Variants in GRB7 observed in about 807,000 individuals in gnomAD.
GRB7 encodes growth factor receptor-bound protein 7.
GRB7 carries 47 observed loss-of-function variants against 64.1 expected under a neutral mutation model. That is an observed-to-expected ratio of 0.73 (90% CI 0.58 to 0.94). The LOEUF (loss-of-function observed/expected upper bound fraction) is 0.94. Ranked by LOEUF, GRB7 falls within the 40% of genes least tolerant of loss-of-function variation. The probability of loss-of-function intolerance (pLI) is 0.00; values close to 1 mark genes in which losing one functional copy is unlikely to be tolerated. For synonymous variants in GRB7, 277 were observed against 279.9 expected (o/e 0.99, Z 0.10); for missense variants, 634 against 718.4 (o/e 0.88, Z 1.34).
intron 6 of GRB7, 189 bp downstream of exon 6, chr17:39,743,659 A>G (rs2060017056): frequency 1.5e-5 from 9 of 616,650 alleles, no homozygotes; most frequent in South Asian, 1.4e-4. Flanking sequence ...CGAGAAATGC[A>G]TGTGGAGCAT....
Position 39,744,406 on chromosome 17 carries a change from A to C in GRB7, c.802-147A>C, listed in dbSNP as rs938700694. ...CAGGAGAAAAGATGATCTTAGTTTA[A>C]GTCCTGGCTCTACTTCTATTTGCTG... is the stretch of plus-strand genomic sequence containing the variant. On this transcript the variant is annotated intron_variant, in intron 7 of 14. Coordinates refer to ENST00000309156, the MANE Select transcript of GRB7 (RefSeq NM_005310.5). 3 of 843,218 alleles carry C rather than the reference A, an allele frequency of 3.6e-6. No individual in the cohort carries two copies. The African/African-American group carries it at 5.1e-5, about 14-fold the overall frequency. The allele number at this position is 843,218 out of a possible 1,614,324, so 52.2% of individuals were successfully genotyped here.
rs200349742 is a variant in GRB7, at chr17:39,744,182, A to G, written c.776A>G (p.Tyr259Cys). ...TGCTTCTTGCGCCGATCTGGCCTCT[A>G]TTACTCCACCAAGGGCACCTCTAAG... ...FFCFLRRSGL[Y>C]YSTKGTSKDP... The change falls in exon 7 of 15, where the codon TAT becomes TGT. Residue 259 changes from tyrosine (Y) to cysteine (C), a missense_variant. By Grantham distance (194) the Tyr-to-Cys change is radical. Around this residue, in one of 2 missense-constraint regions of GRB7, gnomAD observed 467 missense variants for 576.6 expected, o/e 0.81. Coordinates refer to ENST00000309156, the MANE Select transcript of GRB7 (RefSeq NM_005310.5). 2 of 1,613,942 alleles carry G rather than the reference A, an allele frequency of 1.2e-6. No homozygotes were observed. Among genetic ancestry groups the G allele is most frequent in the Non-Finnish European group, 1.7e-6 (2 of 1,179,992 alleles).
chr17:39,744,870 T>C lies in GRB7; in HGVS notation c.913-16T>C, dbSNP rs2060029773. ...TAAAGGCAGATATGGGACCAGTCAATTTCCTCTCTCTGCAGCCCAACAAGC... is the reference window on the plus strand; with the variant it reads ...TAAAGGCAGATATGGGACCAGTCAACTTCCTCTCTCTGCAGCCCAACAAGC... On this transcript the variant is annotated splice_polypyrimidine_tract_variant and intron_variant, in intron 8 of 14. Transcript: ENST00000309156. The C allele has an allele frequency of 6.2e-7, 1 of 1,606,836 alleles. No homozygotes were observed. The highest frequency in any genetic ancestry group is 8.5e-7 in the Non-Finnish European group (1 of 1,173,436).
At chr17:39,742,744 G>T in intron 3 of GRB7, 28 bp downstream of exon 3, 2 of 1,536,112 alleles carry the variant, frequency 1.3e-6, no homozygotes, top group Non-Finnish European at 1.8e-6. Flanking sequence ...AGGGAAGGGA[G>T]GGATGCACGG....
chr17:39,741,870 C>A (rs535327230), intron 1 of GRB7, among the ~76,000 whole-genome samples: 1 of 147,236 alleles, frequency 6.8e-6, no homozygotes. Flanking sequence ...ATTAGACGGG[C>A]GTGGTGGTGG....
chr17:39,744,574 G>A lies in GRB7; in HGVS notation c.823G>A (p.Val275Met), dbSNP rs760874811. ...TSKDPRHLQY[V>M]ADVNESNVYV... is the part of the protein sequence containing the mutation. The stretch of plus-strand genomic sequence containing the variant: ...TTAGGATCCGAGGCACCTGCAGTAC[G>A]TGGCAGATGTGAACGAGTCCAACGT... The change falls in exon 8 of 15, where the codon GTG becomes ATG. Residue 275 changes from valine (V) to methionine (M), a missense_variant. By Grantham distance (21) the Val-to-Met change is conservative. This residue lies in a region of GRB7 where 467 missense variants were observed against 576.6 expected (regional missense o/e 0.81). Coordinates refer to ENST00000309156, the MANE Select transcript of GRB7 (RefSeq NM_005310.5). 1.4e-5 allele frequency: 23 copies of A among 1,611,210 alleles called. No homozygotes were observed. The African/African-American group carries it at 1.9e-4, about 13-fold the overall frequency.
intron 3 of GRB7, 44 bp downstream of exon 3, chr17:39,742,760 G>A (rs1207658240): frequency 1.3e-6 from 2 of 1,530,784 alleles, no homozygotes; most frequent in South Asian, 1.3e-5. Context: ...CACGGGTTCT[G>A]GGTCTGTGGG....
chr17:39,742,284 C>G lies in GRB7; in HGVS notation c.-18C>G. On this transcript the variant is annotated 5_prime_UTR_variant, in exon 2 of 15. Transcript: ENST00000309156. ...GCACACAACTGGTTCCGTTAAGCCC[C>G]TCTCTTGCTCAGACGCCATGGAGCT... 6.2e-7 allele frequency: 1 copy of G among 1,613,956 alleles called. No homozygotes were observed. The highest frequency in any genetic ancestry group is 1.3e-5 in the African/African-American group (1 of 75,048).
chr17:39,742,985 G>A lies in GRB7; in HGVS notation c.394G>A (p.Val132Met). 1 of 1,613,446 alleles carries A rather than the reference G, an allele frequency of 6.2e-7. No individual in the cohort carries two copies. The highest frequency in any genetic ancestry group is 8.5e-7 in the Non-Finnish European group (1 of 1,179,688). The change falls in exon 4 of 15, where the codon GTG becomes ATG. Residue 132 changes from valine to methionine, a missense_variant. Physicochemically the swap from Val to Met is conservative, Grantham distance 21 (BLOSUM62 1). This residue lies in a region of GRB7 where 467 missense variants were observed against 576.6 expected (regional missense o/e 0.81). Coordinates refer to ENST00000309156, the MANE Select transcript of GRB7 (RefSeq NM_005310.5). ...AGCTCGCCACGTGTGTGAAATGCTG[G>A]TGCAGCGAGCTCACGCCTTGAGCGA... Reference protein sequence around the residue: ...ATARHVCEMLVQRAHALSDET... With the variant: ...ATARHVCEMLMQRAHALSDET...
intron 14 of GRB7, 78 bp from the exon 15 acceptor site, chr17:39,746,673 G>T: frequency 6.8e-7 from 1 of 1,460,128 alleles, no homozygotes; most frequent in Non-Finnish European, 9.4e-7. Flanking sequence ...AAAGGAAATG[G>T]TGGGGCCCTG....
At position 39,744,542 on chromosome 17, in the gene GRB7, A is replaced by G; in HGVS notation, c.802-11A>G. 4 of 1,597,256 alleles carry G rather than the reference A, an allele frequency of 2.5e-6. No individual in the cohort carries two copies. The highest frequency in any genetic ancestry group is 4.6e-5 in the East Asian group (2 of 43,770). ...TACCTGTACCAAGTCCTGCTCACTC[A>G]TGCTGCTTAGGATCCGAGGCACCTG... is the stretch of plus-strand genomic sequence containing the variant. On this transcript the variant is annotated splice_polypyrimidine_tract_variant and intron_variant, in intron 7 of 14. Coordinates refer to ENST00000309156, the MANE Select transcript of GRB7 (RefSeq NM_005310.5).
chr17:39,742,790 T>C, intron 3 of GRB7, 74 bp downstream of exon 3: 1 of 1,523,100 alleles, frequency 6.6e-7, no homozygotes, highest in Non-Finnish European at 8.8e-7. Flanking sequence ...GCCGCTTCCA[T>C]GGAGGCAGGG....
chr17:39,744,195 G>C lies in GRB7; in HGVS notation c.789G>C (p.Lys263Asn). The C allele has an allele frequency of 6.2e-7, 1 of 1,613,866 alleles. No homozygotes were observed. Among genetic ancestry groups the C allele is most frequent in the Non-Finnish European group, 8.5e-7 (1 of 1,179,986 alleles). Residue 263 changes from lysine (K) to asparagine (N), a missense_variant, in exon 7 of 15, where the codon AAG (lysine) becomes AAC (asparagine). This residue lies in a region of GRB7 where 467 missense variants were observed against 576.6 expected (regional missense o/e 0.81). Coordinates refer to ENST00000309156, the MANE Select transcript of GRB7 (RefSeq NM_005310.5). ...LRRSGLYYST[K>N]GTSKDPRHLQ... Reference sequence around the variant, plus strand: ...GATCTGGCCTCTATTACTCCACCAAGGGCACCTCTAAGGTAAGGTCTTGAG... The same window carrying C: ...GATCTGGCCTCTATTACTCCACCAACGGCACCTCTAAGGTAAGGTCTTGAG...
chr17:39,740,863 A>C (rs1048503118), intron 1 of GRB7, among the ~76,000 whole-genome samples: 14 of 151,952 alleles, frequency 9.2e-5, no homozygotes, highest in African/African-American at 3.4e-4. Flanking sequence ...TGATGCCCTC[A>C]CTGAAGGGTC....
chr17:39,742,137 C>T (rs2059999729), intron 1 of GRB7, 115 bp from the exon 2 acceptor site: 1 of 733,860 alleles, frequency 1.4e-6, no homozygotes, highest in African/African-American at 1.7e-5. Flanking sequence ...TGTCCTTCCC[C>T]AAGGGCTTCA....
Position 39,740,342 on chromosome 17 carries a change from C to T in GRB7, c.-50-1910C>T, listed in dbSNP as rs937145953. 4.6e-5 allele frequency among the ~76,000 whole-genome samples: 7 copies of T among 152,308 alleles called. No individual in the cohort carries two copies. The South Asian group carries it at 1.5e-3, about 32-fold the overall frequency. ...TTCTTGAGTGTTTTCCCTTTCCACTCCTGCTCCTGTGGTACCCCTCTGGCC... is the reference window on the plus strand; with the variant it reads ...TTCTTGAGTGTTTTCCCTTTCCACTTCTGCTCCTGTGGTACCCCTCTGGCC... On this transcript the variant is annotated intron_variant, in intron 1 of 14. Transcript: ENST00000309156.
chr17:39,745,740 C>CACCG lies in GRB7; in HGVS notation c.1223_1226dup (p.Leu410ProfsTer31). The CACCG allele has an allele frequency of 6.2e-7, 1 of 1,613,842 alleles. No homozygotes were observed. Among genetic ancestry groups the CACCG allele is most frequent in the African/African-American group, 1.3e-5 (1 of 75,042 alleles). ...CACTGCTCCACAGAAGAAGACAAAC[C>CACCG]ACCGCCTCAGCCTGCCCATGCCAGC... On this transcript the variant is annotated frameshift_variant, in exon 12 of 15. Transcript: ENST00000309156. LOFTEE classifies it high-confidence loss of function.
chr17:39,743,449 A>AGG lies in GRB7; in HGVS notation c.642_643insGG (p.Ser215GlyfsTer11). ...GCTGTCTCGATGCACACACTGGTAT[A>AGG]TCCCATGAAGACCTCATCCAGGTGG... On this transcript the variant is annotated frameshift_variant, in exon 6 of 15. Transcript: ENST00000309156. LOFTEE classifies it high-confidence loss of function. 14 of 1,614,118 alleles carry AGG rather than the reference A, an allele frequency of 8.7e-6. No homozygotes were observed. The highest frequency in any genetic ancestry group is 1.2e-5 in the Non-Finnish European group (14 of 1,180,004).
At chr17:39,738,815 G>A in intron 1 of GRB7, 1 of 1,244,992 alleles carries the variant, frequency 8.0e-7, no homozygotes. Context: ...CCACTTTGGA[G>A]GGCAGTGAAG....
Sources: gnomAD v4.1 joint callset for allele counts (sites outside exome capture counted in the v4.1 genomes callset) on GRCh38, gnomAD v4.1.1 for gene constraint, gnomAD v4.1.1 regional missense constraint, MANE v1.5 for transcripts, NCBI Gene and HGNC (gene_info 2026-07-23, HGNC 2026-07-21) for gene names.